The following EEF1AKMT2 variants were observed in gnomAD, a reference collection of about 807,000 sequenced individuals.
The protein encoded by EEF1AKMT2 is EEF1A lysine methyltransferase 2, also known as eukaryotic translation elongation factor 1 alpha lysine methyltransferase 2.
In EEF1AKMT2, 32 loss-of-function variants were observed where a neutral mutation model predicts 35.8. That is an observed-to-expected ratio of 0.89 (90% CI 0.67 to 1.20). The LOEUF (loss-of-function observed/expected upper bound fraction) is 1.20. Among genes scored for constraint, EEF1AKMT2 ranks in the 50% most tolerant of loss-of-function variants. The pLI is 0.00. For synonymous variants in EEF1AKMT2, 121 were observed against 133.7 expected (o/e 0.91, Z 0.65); for missense variants, 330 against 347.5 (o/e 0.95, Z 0.40).
intron 3 of EEF1AKMT2, among the ~76,000 whole-genome samples, chr10:124,777,520 A>AT (rs113188210): frequency 3.9e-3 from 551 of 140,604 alleles, no homozygotes; most frequent in African/African-American, 0.011. Context: ...GTACCTAAAG[A>AT]TTTTTTTTTT....
At chr10:124,780,198 G>A (rs1190527397) in intron 3 of EEF1AKMT2, among the ~76,000 whole-genome samples, 1 of 152,144 alleles carries the variant, frequency 6.6e-6, no homozygotes, top group Non-Finnish European at 1.5e-5. Flanking sequence ...GAATAAATGT[G>A]GCTGTATTCC....
In EEF1AKMT2 at chr10:124,762,601, T is replaced by C. The variant is rs1176106395; in HGVS notation, c.617-43A>G. 4.9e-6 allele frequency: 5 copies of C among 1,029,600 alleles called. No homozygotes were observed. In the African/African-American group the frequency reaches 6.7e-5, roughly 14 times the overall value. The allele number at this position is 1,029,600 out of a possible 1,614,324, so 63.8% of individuals were successfully genotyped here. On this transcript the variant is annotated intron_variant, in intron 5 of 6. Transcript: ENST00000368836. ...AGACAGACCGTTTCAAAAACAGAAA[T>C]AAAAATTATATTATTGCATCAATTG...
rs532230645 is a variant in EEF1AKMT2, at chr10:124,782,261, C to G, written c.291+6782G>C. Among the ~76,000 whole-genome samples, 5 of 152,304 alleles carry G rather than the reference C, an allele frequency of 3.3e-5. No homozygotes were observed. In the South Asian group the frequency reaches 6.2e-4, roughly 19 times the overall value. On this transcript the variant is annotated intron_variant, in intron 3 of 6. Coordinates refer to ENST00000368836, the MANE Select transcript of EEF1AKMT2 (RefSeq NM_212554.4). ...CCTGTAATCCCAGCACAAAGGGAGG[C>G]TGAGGCGGGCAGATCACCTGAGGTC...
intron 3 of EEF1AKMT2, chr10:124,782,813 C>CAA (rs35267378): frequency 0.046 from 8,228 of 179,018 alleles, 10 homozygotes; most frequent in South Asian, 0.13. Flanking sequence ...AACTCTGTCT[C>CAA]AAAAAAAAAA....
intron 3 of EEF1AKMT2, among the ~76,000 whole-genome samples, 198 bp downstream of exon 3, chr10:124,788,842 AGCC>A: frequency 6.6e-6 from 1 of 151,856 alleles, no homozygotes. Flanking sequence ...TTAAGACTAT[AGCC>A]AAAAGAGTCA....
Position 124,791,752 on chromosome 10 carries a change from C to T in EEF1AKMT2, c.82G>A (p.Val28Ile). The change falls in exon 1 of 7, where the codon GTC becomes ATC. Residue 28 changes from valine to isoleucine, a missense_variant. Coordinates refer to ENST00000368836, the MANE Select transcript of EEF1AKMT2 (RefSeq NM_212554.4). ...DKGSPGEDGF[V>I]PSALGTREHW... ...TCGCGGGTCCCCAGCGCCGACGGGA[C>T]GAAACCGTCCTCCCCGGGACTGCCC... 6.3e-7 allele frequency: 1 copy of T among 1,594,068 alleles called. No homozygotes were observed. The highest frequency in any genetic ancestry group is 1.7e-4 in the Middle Eastern group (1 of 6,022).
chr10:124,761,758 T>TA (rs1048563926), intron 6 of EEF1AKMT2, among the ~76,000 whole-genome samples: 1 of 152,030 alleles, frequency 6.6e-6, no homozygotes, highest in African/African-American at 2.4e-5. Flanking sequence ...ACCCCATCTC[T>TA]AAAAAAATAC....
chr10:124,783,012 A>G (rs539458699), intron 3 of EEF1AKMT2: 3 of 412,418 alleles, frequency 7.3e-6, no homozygotes, highest in South Asian at 3.5e-5. Flanking sequence ...AGGTAAGTTA[A>G]AAGGATGGAA....
chr10:124,761,110 C>T (rs1270924842), intron 6 of EEF1AKMT2, among the ~76,000 whole-genome samples: 9 of 152,312 alleles, frequency 5.9e-5, no homozygotes, highest in Admixed American at 5.9e-4. Context: ...TCAAGTGATC[C>T]ACCCACCTCA....
chr10:124,783,723 C>T (rs1332965668), intron 3 of EEF1AKMT2, among the ~76,000 whole-genome samples: 1 of 152,192 alleles, frequency 6.6e-6, no homozygotes, highest in Non-Finnish European at 1.5e-5. Flanking sequence ...TGGCTCACTG[C>T]AGCCTCGACC....
chr10:124,769,248 A>G lies in EEF1AKMT2; in HGVS notation c.400-3640T>C, dbSNP rs11245361. Among the ~76,000 whole-genome samples the G allele has an allele frequency of 3.2e-3, 206 of 63,792 alleles. 9 individuals carry two copies. Among genetic ancestry groups the G allele is most frequent in the African/African-American group, 9.9e-3 (181 of 18,294 alleles). 41.9% of individuals were successfully genotyped at this position (63,792 alleles called of 152,430 possible). On this transcript the variant is annotated intron_variant, in intron 4 of 6. Coordinates refer to ENST00000368836, the MANE Select transcript of EEF1AKMT2 (RefSeq NM_212554.4). ...AAAAAAAAAAAATATATATATATAT[A>G]TGTGTGTATAAATAAAACGAACAGA...
intron 3 of EEF1AKMT2, among the ~76,000 whole-genome samples, chr10:124,783,192 G>A (rs1039409562): frequency 7.4e-6 from 1 of 134,878 alleles, no homozygotes; most frequent in Non-Finnish European, 1.5e-5. Context: ...CCAGGCTGGA[G>A]TGCAGTGGGG....
At chr10:124,762,862 C>G (rs1050579137) in intron 5 of EEF1AKMT2, among the ~76,000 whole-genome samples, 7 of 152,066 alleles carry the variant, frequency 4.6e-5, no homozygotes, top group African/African-American at 1.7e-4. Context: ...TACAAATGCT[C>G]TGGATATTTA....
chr10:124,769,506 G>C (rs886635673), intron 4 of EEF1AKMT2, among the ~76,000 whole-genome samples: 1 of 152,024 alleles, frequency 6.6e-6, no homozygotes, highest in Admixed American at 6.6e-5. Flanking sequence ...CAGAGATATT[G>C]CAAGTTCTGT....
rs760140245 is a variant in EEF1AKMT2 at position 124,774,802 on chromosome 10, T to C, written c.292-20A>G. The C allele has an allele frequency of 4.3e-6, 5 of 1,156,492 alleles. No individual in the cohort carries two copies. The highest frequency in any genetic ancestry group is 2.0e-5 in the South Asian group (1 of 50,236). 71.6% of individuals were successfully genotyped at this position (1,156,492 alleles called of 1,614,324 possible). On this transcript the variant is annotated intron_variant, in intron 3 of 6. Transcript: ENST00000368836. ...TTTTGCCTAGAGAGAAATAATTTTA[T>C]ACTTTAGTATAAAATTTTAATATAA... is the stretch of plus-strand genomic sequence containing the variant.
chr10:124,791,816 G>A lies in EEF1AKMT2; in HGVS notation c.18C>T (p.Asp6=), dbSNP rs543090889. 1.8e-5 allele frequency: 28 copies of A among 1,583,068 alleles called. No individual in the cohort carries two copies. The highest frequency in any genetic ancestry group is 9.2e-5 in the East Asian group (4 of 43,578). The part of the protein sequence containing the change: MSSGA[D]GGGGAAVAAR... ...CCGCCACCGCAGCGCCACCGCCGCCGTCAGCGCCCGAGCTCATTTCGCTCC... is the reference window on the plus strand; with the variant it reads ...CCGCCACCGCAGCGCCACCGCCGCCATCAGCGCCCGAGCTCATTTCGCTCC... The change falls in exon 1 of 7, where the codon GAC becomes GAT. Residue 6 remains aspartate (D), a synonymous_variant. Coordinates refer to ENST00000368836, the MANE Select transcript of EEF1AKMT2 (RefSeq NM_212554.4).
chr10:124,771,994 T>C lies in EEF1AKMT2; in HGVS notation c.399+2681A>G, dbSNP rs534745075. ...GGGGCAGTAGGTCTCAAAAATGGGC[T>C]TAAAATACTCAGTAAACCATACTGT... is the stretch of plus-strand genomic sequence containing the variant. On this transcript the variant is annotated intron_variant, in intron 4 of 6. Transcript: ENST00000368836. Among the ~76,000 whole-genome samples the C allele has an allele frequency of 3.3e-5, 5 of 152,354 alleles. No individual in the cohort carries two copies. The South Asian group carries it at 1.0e-3, about 32-fold the overall frequency.
At chr10:124,763,316 T>A (rs970506387) in intron 5 of EEF1AKMT2, among the ~76,000 whole-genome samples, 3 of 152,200 alleles carry the variant, frequency 2.0e-5, no homozygotes, top group Non-Finnish European at 4.4e-5. Context: ...AGGGGTATCA[T>A]GGAAAAAATG....
chr10:124,768,827 G>A (rs1257017321), intron 4 of EEF1AKMT2, among the ~76,000 whole-genome samples: 1 of 151,812 alleles, frequency 6.6e-6, no homozygotes, highest in Non-Finnish European at 1.5e-5. Context: ...GAAATGGAGG[G>A]GCAAAATCAA....
Sources: allele counts gnomAD v4.1 joint callset (sites outside exome capture counted in the v4.1 genomes callset), GRCh38; gene constraint gnomAD v4.1.1; transcripts MANE v1.5; gene names NCBI Gene and HGNC (gene_info 2026-07-23, HGNC 2026-07-21).